The following PPP6C variants were observed in gnomAD, a reference collection of about 807,000 sequenced individuals.
The protein encoded by PPP6C is protein phosphatase 6 catalytic subunit.
Under a neutral mutation model 39.8 loss-of-function variants are expected in PPP6C, and 11 were observed. The observed-to-expected ratio is 0.28, with a 90% CI of 0.17 to 0.46. The LOEUF is 0.46. PPP6C is among the 20% of genes least tolerant of loss of function. The pLI, the probability that PPP6C is intolerant of heterozygous loss-of-function variation, is 1.00. For synonymous variants in PPP6C, 129 were observed against 130.3 expected (o/e 0.99, Z 0.07); for missense variants, 211 against 373.9 (o/e 0.56, Z 3.59).
rs1446425121 is a variant in PPP6C, at chr9:125,148,059, G to GC, written c.*1613dup. 2 of 186,164 alleles carry GC rather than the reference G, an allele frequency of 1.1e-5. No homozygotes were observed. The highest frequency in any genetic ancestry group is 3.8e-4 in the East Asian group (2 of 5,204). The allele number at this position is 186,164 out of a possible 1,614,324, so 11.5% of individuals were successfully genotyped here. A position where few individuals can be genotyped will look rare whatever the true frequency, so the allele number is the denominator to read the frequency against. On this transcript the variant is annotated 3_prime_UTR_variant, in exon 7 of 7. Coordinates refer to ENST00000373547, the MANE Select transcript of PPP6C (RefSeq NM_002721.5). ...TATATAATTAAAAACTATGTAAGGA[G>GC]CTGGGTGGTTTGAGGGAAAAAAATT...
intron 4 of PPP6C, among the ~76,000 whole-genome samples, chr9:125,156,744 G>GCTCTCTCTCTCTCTCT (rs61252351): frequency 7.1e-6 from 1 of 141,442 alleles, no homozygotes; most frequent in East Asian, 2.0e-4. Flanking sequence ...TAATAAGCTC[G>GCTCTCTCTCTCTCTCT]CTCTCTCTCT....
chr9:125,167,624 A>G (rs564724586), intron 2 of PPP6C, among the ~76,000 whole-genome samples: 1 of 151,710 alleles, frequency 6.6e-6, no homozygotes, highest in Non-Finnish European at 1.5e-5. Context: ...AATCGCTTGA[A>G]CCTGGGAGGC....
chr9:125,158,365 T>C lies in PPP6C; in HGVS notation c.255A>G (p.Arg85=). Residue 85 remains arginine, a synonymous_variant, in exon 4 of 7, where the codon AGA becomes AGG. Transcript: ENST00000373547. ...TGAAGGTCTCCAAACTATAGTAACC[T>C]CTGTCTACAAAATCACCCTGTGAAG... is the stretch of plus-strand genomic sequence containing the variant. ...NYIFMGDFVD[R]GYYSLETFTY... 1 of 1,613,046 alleles carries C rather than the reference T, an allele frequency of 6.2e-7. No homozygotes were observed. Among genetic ancestry groups the C allele is most frequent in the Non-Finnish European group, 8.5e-7 (1 of 1,179,474 alleles).
At chr9:125,177,525 C>T (rs1257250236) in intron 1 of PPP6C, among the ~76,000 whole-genome samples, 3 of 151,836 alleles carry the variant, frequency 2.0e-5, no homozygotes, top group African/African-American at 4.8e-5. Context: ...AGAGAGACTT[C>T]GTTCTCCATA....
chr9:125,186,608 G>C (rs1218143540), intron 1 of PPP6C, among the ~76,000 whole-genome samples: 2 of 151,544 alleles, frequency 1.3e-5, no homozygotes, highest in Non-Finnish European at 2.9e-5. Flanking sequence ...AAATTAGCTG[G>C]TCATGGGGGC....
At chr9:125,168,268 A>G (rs1305041674) in intron 2 of PPP6C, among the ~76,000 whole-genome samples, 1 of 152,176 alleles carries the variant, frequency 6.6e-6, no homozygotes, top group Admixed American at 6.5e-5. Context: ...ACTCCTCACT[A>G]TATTACACAG....
intron 1 of PPP6C, among the ~76,000 whole-genome samples, chr9:125,174,178 T>C (rs1219286119): frequency 1.3e-5 from 2 of 152,074 alleles, no homozygotes; most frequent in Non-Finnish European, 2.9e-5. Context: ...GAAATTAAAC[T>C]AACAAGCATA....
chr9:125,160,976 G>T (rs1273913524), intron 2 of PPP6C, 70 bp from the exon 3 acceptor site: 2 of 1,118,938 alleles, frequency 1.8e-6, no homozygotes, highest in Non-Finnish European at 1.3e-6. Flanking sequence ...AACTGAGAGT[G>T]AAATGTGTAA....
At chr9:125,165,916 C>T (rs995555140) in intron 2 of PPP6C, among the ~76,000 whole-genome samples, 16 of 150,898 alleles carry the variant, frequency 1.1e-4, no homozygotes, top group Non-Finnish European at 2.2e-4. Context: ...CATGCCTCAG[C>T]CACCTAAGTA....
chr9:125,153,791 C>T (rs1241874993), intron 5 of PPP6C, 49 bp from the exon 6 acceptor site: 1 of 1,564,282 alleles, frequency 6.4e-7, no homozygotes, highest in Non-Finnish European at 8.8e-7. Flanking sequence ...TCAGGCATAT[C>T]TAAACTCATC....
intron 1 of PPP6C, 48 bp from the exon 2 acceptor site, chr9:125,171,228 C>A: frequency 7.1e-7 from 1 of 1,400,738 alleles, no homozygotes; most frequent in Non-Finnish European, 9.8e-7. Flanking sequence ...AACATTAAAA[C>A]TAAAGATAAA....
intron 1 of PPP6C, among the ~76,000 whole-genome samples, chr9:125,189,158 C>G (rs532226193): frequency 6.6e-6 from 1 of 152,304 alleles, no homozygotes; most frequent in East Asian, 1.9e-4. Flanking sequence ...TCGGGCCCAC[C>G]GCCTTCCCCT....
chr9:125,177,209 C>T, intron 1 of PPP6C, among the ~76,000 whole-genome samples: 1 of 151,768 alleles, frequency 6.6e-6, no homozygotes. Context: ...CCCATCTCTA[C>T]TAAAAATACA....
At chr9:125,181,065 CT>C (rs1277978614) in intron 1 of PPP6C, among the ~76,000 whole-genome samples, 1 of 152,164 alleles carries the variant, frequency 6.6e-6, no homozygotes, top group African/African-American at 2.4e-5. Flanking sequence ...GCTATTGCCT[CT>C]CATCTCTAGT....
chr9:125,170,116 A>C (rs1829112784), intron 2 of PPP6C, among the ~76,000 whole-genome samples: 1 of 152,218 alleles, frequency 6.6e-6, no homozygotes, highest in African/African-American at 2.4e-5. Flanking sequence ...TGCATATAGC[A>C]CTCTATGAGT....
intron 4 of PPP6C, among the ~76,000 whole-genome samples, chr9:125,156,722 G>A (rs1306523455): frequency 6.6e-6 from 1 of 151,726 alleles, no homozygotes; most frequent in Non-Finnish European, 1.5e-5. Context: ...CTATTTCCCT[G>A]AAGGGGCTTC....
At chr9:125,182,788 C>G (rs571173867) in intron 1 of PPP6C, among the ~76,000 whole-genome samples, 1 of 149,522 alleles carries the variant, frequency 6.7e-6, no homozygotes, top group East Asian at 2.0e-4. Flanking sequence ...CCTCCCCTGA[C>G]CCAGCTGTGA....
At chr9:125,188,280 G>A (rs1829574987) in intron 1 of PPP6C, among the ~76,000 whole-genome samples, 1 of 152,102 alleles carries the variant, frequency 6.6e-6, no homozygotes, top group African/African-American at 2.4e-5. Flanking sequence ...AGCTACTCGG[G>A]AGACTGAGGC....
At chr9:125,167,379 C>CAAAAAAAAAAA (rs758123351) in intron 2 of PPP6C, among the ~76,000 whole-genome samples, 21 of 56,080 alleles carry the variant, frequency 3.7e-4, no homozygotes, top group African/African-American at 1.4e-3. Context: ...AGACCCTGTC[C>CAAAAAAAAAAA]AAAAAAAAAA....
Sources: allele counts gnomAD v4.1 joint callset (sites outside exome capture counted in the v4.1 genomes callset), GRCh38; gene constraint gnomAD v4.1.1; transcripts MANE v1.5; gene names NCBI Gene and HGNC (gene_info 2026-07-23, HGNC 2026-07-21).